Variants in NOVA1 observed in about 807,000 individuals in gnomAD.
The protein encoded by NOVA1 is RNA-binding protein Nova-1.
A neutral mutation model predicts 38.0 loss-of-function variants in NOVA1; 7 were observed. The observed-to-expected ratio is 0.18, with a 90% CI of 0.10 to 0.35. The LOEUF (loss-of-function observed/expected upper bound fraction) is 0.35, where lower values mean the gene tolerates loss of function less well. Among genes scored for constraint, NOVA1 ranks in the 10% least tolerant of loss-of-function variants. NOVA1 has a pLI of 1.00. For synonymous variants in NOVA1, 270 were observed against 232.5 expected (o/e 1.16, Z -1.47); for missense variants, 460 against 616.0 (o/e 0.75, Z 2.68).
At chr14:26,473,198 C>CTA (rs1264437211) in intron 3 of NOVA1, among the ~76,000 whole-genome samples, 4 of 150,912 alleles carry the variant, frequency 2.7e-5, no homozygotes, top group East Asian at 1.9e-4. Flanking sequence ...TATACACTTA[C>CTA]TATATATATA....
intron 4 of NOVA1, among the ~76,000 whole-genome samples, chr14:26,466,866 G>A (rs1294828812): frequency 6.6e-6 from 1 of 152,158 alleles, no homozygotes; most frequent in Non-Finnish European, 1.5e-5. Flanking sequence ...GCGATTTCAA[G>A]ACACAGCAAG....
chr14:26,486,497 CAGG>C (rs1885901094), intron 2 of NOVA1, among the ~76,000 whole-genome samples: 3 of 151,678 alleles, frequency 2.0e-5, no homozygotes, highest in Admixed American at 2.0e-4. Context: ...ATCATGAGGT[CAGG>C]AGATCAAGAC....
chr14:26,472,723 T>TAA (rs879843278), intron 3 of NOVA1, among the ~76,000 whole-genome samples: 5 of 136,656 alleles, frequency 3.7e-5, no homozygotes, highest in African/African-American at 8.0e-5. Flanking sequence ...AAAAGAGATG[T>TAA]AAAAAAAAAA....
chr14:26,562,174 C>T (rs540263019), intron 2 of NOVA1, among the ~76,000 whole-genome samples: 2 of 152,180 alleles, frequency 1.3e-5, no homozygotes, highest in South Asian at 4.1e-4. Flanking sequence ...GTATTGTAGG[C>T]TTCTGGTCCA....
chr14:26,461,092 C>G (rs1404548348), intron 4 of NOVA1, among the ~76,000 whole-genome samples: 4 of 152,124 alleles, frequency 2.6e-5, no homozygotes, highest in Non-Finnish European at 5.9e-5. Flanking sequence ...TTTGATGAAA[C>G]AGAGAAACCA....
intron 2 of NOVA1, among the ~76,000 whole-genome samples, chr14:26,576,576 T>C (rs12884302): frequency 1.3e-5 from 2 of 151,946 alleles, no homozygotes; most frequent in Non-Finnish European, 2.9e-5. Context: ...TCAATATATA[T>C]TTATCATTCA....
intron 2 of NOVA1, among the ~76,000 whole-genome samples, chr14:26,511,489 C>T (rs1185214531): frequency 6.6e-6 from 1 of 152,020 alleles, no homozygotes; most frequent in Non-Finnish European, 1.5e-5. Flanking sequence ...GCTTCCTGGC[C>T]GGGCGCGGTG....
chr14:26,498,122 C>T (rs1288283584), intron 2 of NOVA1, among the ~76,000 whole-genome samples: 7 of 152,048 alleles, frequency 4.6e-5, no homozygotes, highest in Admixed American at 1.3e-4. Context: ...TGTAGTGGTG[C>T]GATCTCAGCT....
chr14:26,478,378 TA>T (rs200109026), intron 3 of NOVA1, among the ~76,000 whole-genome samples: 35 of 151,190 alleles, frequency 2.3e-4, no homozygotes, highest in African/African-American at 6.3e-4. Context: ...ATGTTTTACT[TA>T]AAAAAAAATC....
At chr14:26,592,040 T>C (rs1007119852) in intron 2 of NOVA1, among the ~76,000 whole-genome samples, 40 of 151,440 alleles carry the variant, frequency 2.6e-4, no homozygotes, top group African/African-American at 9.4e-4. Flanking sequence ...TACCATATAA[T>C]AGAATAAAAA....
chr14:26,485,052 G>T (rs1191268183), intron 2 of NOVA1, among the ~76,000 whole-genome samples: 1 of 152,000 alleles, frequency 6.6e-6, no homozygotes, highest in Non-Finnish European at 1.5e-5. Context: ...AATAGTAAAA[G>T]AAAATAACTG....
Position 26,480,217 on chromosome 14 carries a change from C to T in NOVA1, c.281-74G>A, listed in dbSNP as rs1885349595. ...AAAAAATTATGAAAAAGGATGATAT[C>T]ATAACGCCAAAAAAATGTAAAATGC... On this transcript the variant is annotated intron_variant, in intron 2 of 4. Transcript: ENST00000539517. 3.0e-6 allele frequency: 4 copies of T among 1,319,730 alleles called. No individual in the cohort carries two copies. In the South Asian group the frequency reaches 5.7e-5, roughly 19 times the overall value. 81.8% of individuals were successfully genotyped at this position (1,319,730 alleles called of 1,614,324 possible).
At chr14:26,562,008 CTATAAGT>C (rs1334339652) in intron 2 of NOVA1, among the ~76,000 whole-genome samples, 1 of 152,100 alleles carries the variant, frequency 6.6e-6, no homozygotes, top group Non-Finnish European at 1.5e-5. Flanking sequence ...ACTCTTCACT[CTATAAGT>C]TATAATTTCC....
At chr14:26,451,683 T>C (rs2138567395) in intron 4 of NOVA1, among the ~76,000 whole-genome samples, 1 of 152,282 alleles carries the variant, frequency 6.6e-6, no homozygotes, top group East Asian at 1.9e-4. Context: ...AACTTTGAAA[T>C]AATATATAAT....
chr14:26,595,641 T>C, intron 1 of NOVA1, 88 bp from the exon 2 acceptor site: 1 of 1,134,748 alleles, frequency 8.8e-7, no homozygotes, highest in Non-Finnish European at 1.3e-6. Context: ...AAACAGCAAC[T>C]AAAGCACTGG....
At chr14:26,454,510 T>C (rs1882994644) in intron 4 of NOVA1, among the ~76,000 whole-genome samples, 1 of 152,106 alleles carries the variant, frequency 6.6e-6, no homozygotes, top group African/African-American at 2.4e-5. Flanking sequence ...CAGATAAAAA[T>C]GAGACTGCAT....
At chr14:26,597,083 G>A in intron 1 of NOVA1, 2 of 1,230,974 alleles carry the variant, frequency 1.6e-6, no homozygotes, top group South Asian at 4.2e-5. Flanking sequence ...TTTGATGAAT[G>A]ATAAACACAG....
At chr14:26,579,686 A>G (rs1268023401) in intron 2 of NOVA1, among the ~76,000 whole-genome samples, 5 of 152,136 alleles carry the variant, frequency 3.3e-5, no homozygotes, top group Non-Finnish European at 5.9e-5. Context: ...GCGTAATGGC[A>G]ATCAAGAATA....
rs560372998 is a variant in NOVA1, at chr14:26,556,763, A to T, written c.280+38647T>A. ...ACCTCATAAAGTACTAGTATCTAAAATATCAAAAAAGCACTCACAATTCAA... is the reference window on the plus strand; with the variant it reads ...ACCTCATAAAGTACTAGTATCTAAATTATCAAAAAAGCACTCACAATTCAA... On this transcript the variant is annotated intron_variant, in intron 2 of 4. Transcript: ENST00000539517. Among the ~76,000 whole-genome samples, 101 of 152,326 alleles carry T rather than the reference A, an allele frequency of 6.6e-4. 1 individual carries two copies. The highest frequency in any genetic ancestry group is 2.0e-3 in the African/African-American group (84 of 41,582).
Sources: allele counts gnomAD v4.1 joint callset (sites outside exome capture counted in the v4.1 genomes callset), GRCh38; gene constraint gnomAD v4.1.1; transcripts MANE v1.5; gene names NCBI Gene and HGNC (gene_info 2026-07-23, HGNC 2026-07-21).